PCDH11X: variants seen among roughly 807,000 people sequenced by gnomAD.
PCDH11X encodes the protein protocadherin-11 X-linked.
A neutral mutation model predicts 53.3 loss-of-function variants in PCDH11X; 18 were observed. The observed-to-expected ratio is 0.34, with a 90% CI of 0.23 to 0.50. The LOEUF is 0.50. Ranked by LOEUF, PCDH11X falls within the 20% of genes least tolerant of loss-of-function variation. The pLI, the probability that PCDH11X is intolerant of heterozygous loss-of-function variation, is 0.98. For synonymous variants in PCDH11X, 279 were observed against 393.3 expected, an observed-to-expected ratio of 0.71 and a Z score of 3.44; for missense variants, 570 against 1,032.4, an observed-to-expected ratio of 0.55 and a Z score of 6.14.
intron 6 of PCDH11X, among the ~76,000 whole-genome samples, chrX:91,887,247 C>T (rs2147756381): frequency 9.0e-6 from 1 of 110,681 alleles, no homozygotes; most frequent in African/African-American, 3.3e-5. Flanking sequence ...ATCTAAGCCA[C>T]ATTCCATAAA....
intron 10 of PCDH11X, among the ~76,000 whole-genome samples, chrX:92,576,187 T>C: frequency 1.2e-5 from 1 of 81,535 alleles, no homozygotes; most frequent in African/African-American, 5.7e-5. Flanking sequence ...CTATCTTGTC[T>C]TATATAACTG....
At chrX:91,989,419 C>G (rs2062282133) in intron 6 of PCDH11X, among the ~76,000 whole-genome samples, 1 of 110,536 alleles carries the variant, frequency 9.0e-6, no homozygotes, top group Non-Finnish European at 1.9e-5. Flanking sequence ...AAAAATGTGC[C>G]AGGTGTGGTG....
chrX:92,482,646 G>A (rs1378223001), intron 10 of PCDH11X, among the ~76,000 whole-genome samples: 1 of 111,016 alleles, frequency 9.0e-6, no homozygotes, highest in Non-Finnish European at 1.9e-5. Flanking sequence ...TGATAAGCCA[G>A]GTACCAATGT....
chrX:91,931,589 C>T (rs2061385443), intron 6 of PCDH11X, among the ~76,000 whole-genome samples: 1 of 110,648 alleles, frequency 9.0e-6, no homozygotes, highest in Admixed American at 9.6e-5. Flanking sequence ...CCACTTCTAC[C>T]TCTGTGTTTT....
chrX:92,467,466 A>C (rs1462710479), intron 9 of PCDH11X, among the ~76,000 whole-genome samples: 5 of 111,340 alleles, frequency 4.5e-5, no homozygotes, highest in Non-Finnish European at 9.5e-5. Context: ...AGATGTGATC[A>C]GGAAATTATT....
chrX:92,142,367 C>T (rs763667821), intron 6 of PCDH11X, among the ~76,000 whole-genome samples: 127 of 72,129 alleles, frequency 1.8e-3, no homozygotes, highest in East Asian at 0.011. Context: ...CATGTGCGCG[C>T]GCGCACACAC....
At position 92,545,820 on chromosome X, in the gene PCDH11X, G is replaced by T. The variant is rs772656231; in HGVS notation, c.3368-72444G>T. Among the ~76,000 whole-genome samples the T allele has an allele frequency of 2.3e-4, 25 of 109,453 alleles. No individual in the cohort carries two copies. In the South Asian group the frequency reaches 9.8e-3, roughly 43 times the overall value. The stretch of plus-strand genomic sequence containing the variant: ...TCTGATCGAAAAATTAGTAGAATTA[G>T]TTTAAAGGTGTGATTACATCCAACA... On this transcript the variant is annotated intron_variant, in intron 10 of 10. Transcript: ENST00000682573.
In PCDH11X at chrX:91,907,412, C is replaced by CAGAGAGAGAGAGAG. The variant is rs59848282; in HGVS notation, c.3033+28156_3033+28169dup. 3.2e-3 allele frequency among the ~76,000 whole-genome samples: 186 copies of CAGAGAGAGAGAGAG among 57,492 alleles called. 4 individuals carry two copies. The highest frequency in any genetic ancestry group is 0.012 in the African/African-American group (157 of 13,386). The allele number at this position is 57,492 out of a possible 115,157, so 49.9% of individuals were successfully genotyped here. On this transcript the variant is annotated intron_variant, in intron 6 of 10. Transcript: ENST00000682573. Reference sequence around the variant, plus strand: ...ACACACACACACACACACACACACACAGAGAGAGAGAGAGAGAGAGAGAGA... The same window carrying CAGAGAGAGAGAGAG: ...ACACACACACACACACACACACACACAGAGAGAGAGAGAGAGAGAGAGAGAGAGAGAGAGAGAGA...
chrX:92,415,055 C>T (rs1045910283), intron 9 of PCDH11X, among the ~76,000 whole-genome samples: 8 of 111,172 alleles, frequency 7.2e-5, no homozygotes, highest in African/African-American at 9.8e-5. Flanking sequence ...GTTTTCTTTG[C>T]AAGCATGGGG....
intron 4 of PCDH11X, among the ~76,000 whole-genome samples, chrX:91,829,273 A>C (rs57213355): frequency 0.11 from 11,918 of 108,248 alleles, 1,895 homozygotes; most frequent in African/African-American, 0.39. Context: ...TATATATAAA[A>C]CTCATAGATA....
At chrX:91,826,234 A>G (rs1260890503) in intron 4 of PCDH11X, among the ~76,000 whole-genome samples, 1 of 110,794 alleles carries the variant, frequency 9.0e-6, no homozygotes, top group South Asian at 3.8e-4. Context: ...GATGAAAGAG[A>G]AAGGAAAAAT....
chrX:92,430,061 A>G (rs2072216596), intron 9 of PCDH11X, among the ~76,000 whole-genome samples: 1 of 105,644 alleles, frequency 9.5e-6, no homozygotes. Flanking sequence ...TTGTATTGCA[A>G]GCTTCTTTAG....
At chrX:92,091,380 G>A (rs932491546) in intron 6 of PCDH11X, among the ~76,000 whole-genome samples, 1 of 110,099 alleles carries the variant, frequency 9.1e-6, no homozygotes, top group Non-Finnish European at 1.9e-5. Context: ...GGTCAGACAT[G>A]CCTATCTTTG....
At chrX:91,817,178 TA>T (rs1936481396) in intron 4 of PCDH11X, among the ~76,000 whole-genome samples, 1 of 108,140 alleles carries the variant, frequency 9.2e-6, no homozygotes, top group African/African-American at 3.4e-5. Flanking sequence ...TTTTATGAAA[TA>T]ATTCTATTTT....
At chrX:91,800,829 A>G (rs1935908270) in intron 1 of PCDH11X, among the ~76,000 whole-genome samples, 1 of 109,578 alleles carries the variant, frequency 9.1e-6, no homozygotes, top group African/African-American at 3.3e-5. Context: ...TATTAGGGAT[A>G]TTTATTTTAC....
chrX:91,803,756 C>A (rs1453690963), intron 1 of PCDH11X, among the ~76,000 whole-genome samples: 1 of 111,762 alleles, frequency 8.9e-6, no homozygotes, highest in Non-Finnish European at 1.9e-5. Context: ...TACTATTATT[C>A]TAATAACTGA....
intron 4 of PCDH11X, among the ~76,000 whole-genome samples, chrX:91,815,042 A>G (rs1936410511): frequency 9.0e-6 from 1 of 111,198 alleles, no homozygotes; most frequent in South Asian, 3.8e-4. Flanking sequence ...ATAACACTAT[A>G]AGGTAGACAC....
At chrX:91,805,065 G>T (rs937868962) in intron 1 of PCDH11X, among the ~76,000 whole-genome samples, 6 of 102,300 alleles carry the variant, frequency 5.9e-5, no homozygotes, top group African/African-American at 2.1e-4. Flanking sequence ...TTCTAAAAAG[G>T]ACTTTTTTTG....
chrX:92,126,710 A>AATGT (rs1488895618), intron 6 of PCDH11X, among the ~76,000 whole-genome samples: 1 of 100,594 alleles, frequency 9.9e-6, no homozygotes, highest in Admixed American at 1.1e-4. Flanking sequence ...ATATGTGGGG[A>AATGT]GTGTGTGTGT....
Sources: gnomAD v4.1 joint callset for allele counts (sites outside exome capture counted in the v4.1 genomes callset) on GRCh38, gnomAD v4.1.1 for gene constraint, MANE v1.5 for transcripts, NCBI Gene and HGNC (gene_info 2026-07-23, HGNC 2026-07-21) for gene names.